The following SLC6A6 variants were observed in gnomAD, a reference collection of about 807,000 sequenced individuals.
SLC6A6 encodes solute carrier family 6 member 6.
A neutral mutation model predicts 68.8 loss-of-function variants in SLC6A6; 16 were observed. The observed-to-expected ratio is 0.23, with a 90% CI of 0.16 to 0.35. SLC6A6 has a LOEUF of 0.35. SLC6A6 is among the 10% of genes least tolerant of loss of function. The pLI is 1.00. For synonymous variants in SLC6A6, 312 were observed against 315.4 expected, an observed-to-expected ratio of 0.99 and a Z score of 0.12; for missense variants, 474 against 802.8, an observed-to-expected ratio of 0.59 and a Z score of 4.95.
chr3:14,482,229 GA>G (rs1015060548), intron 14 of SLC6A6, among the ~76,000 whole-genome samples: 60 of 152,330 alleles, frequency 3.9e-4, no homozygotes, highest in Admixed American at 5.2e-4. Context: ...CCATGTTCCT[GA>G]AGCGGTGGGA....
rs967497174 is a variant in SLC6A6, at chr3:14,471,343, C to T, written c.1097-862C>T. On this transcript the variant is annotated intron_variant, in intron 9 of 14. Coordinates refer to ENST00000622186, the MANE Select transcript of SLC6A6 (RefSeq NM_003043.6). The stretch of plus-strand genomic sequence containing the variant: ...TGACAGAGCTCCCATCTCCCCAGCT[C>T]TCCCTCAGGTTCTATCCAAGTCCCT... 2.0e-5 allele frequency among the ~76,000 whole-genome samples: 3 copies of T among 152,282 alleles called. No homozygotes were observed. In the East Asian group the frequency reaches 5.8e-4, roughly 29 times the overall value.
intron 5 of SLC6A6, among the ~76,000 whole-genome samples, chr3:14,452,010 GGCA>G (rs569886978): frequency 5.3e-5 from 8 of 152,286 alleles, no homozygotes; most frequent in African/African-American, 1.7e-4. Context: ...AGGAGTTGCT[GGCA>G]GGTGCTGCTG....
At chr3:14,478,618 C>G (rs1372688298) in intron 12 of SLC6A6, 50 bp downstream of exon 12, 2 of 1,160,528 alleles carry the variant, frequency 1.7e-6, no homozygotes, top group African/African-American at 1.5e-5. Context: ...CTTTGGGCTT[C>G]TCTACTTAGA....
chr3:14,467,939 C>T lies in SLC6A6; in HGVS notation c.954C>T (p.Tyr318=). The change falls in exon 8 of 15, where the codon TAC becomes TAT. Residue 318 remains tyrosine (Y), a synonymous_variant. Coordinates refer to ENST00000622186, the MANE Select transcript of SLC6A6 (RefSeq NM_003043.6). ...AMTSLGSYNK[Y]KYNSYRDCML... ...CCTCGCTGGGGAGCTACAACAAGTA[C>T]AAGTATAACTCGTACAGGCAAGTGT... is the stretch of plus-strand genomic sequence containing the variant. The T allele has an allele frequency of 6.2e-7, 1 of 1,613,010 alleles. No individual in the cohort carries two copies. Among genetic ancestry groups the T allele is most frequent in the Non-Finnish European group, 8.5e-7 (1 of 1,179,038 alleles).
rs184807335 is a variant in SLC6A6 at position 14,476,394 on chromosome 3, G to A, written c.1210-811G>A. Among the ~76,000 whole-genome samples the A allele has an allele frequency of 2.2e-3, 336 of 152,318 alleles. 2 individuals carry two copies. The highest frequency in any genetic ancestry group is 0.01 in the Middle Eastern group (3 of 294). On this transcript the variant is annotated intron_variant, in intron 10 of 14. Transcript: ENST00000622186. ...ACCCCCAAGATAAATGGTTAGGCAC[G>A]AGATGGAAAGGTTTAGAAAGACTGA...
At chr3:14,479,722 A>G (rs879459457) in intron 13 of SLC6A6, among the ~76,000 whole-genome samples, 27 of 152,298 alleles carry the variant, frequency 1.8e-4, no homozygotes, top group Admixed American at 1.7e-3. Context: ...CAAGGGTATC[A>G]GTGTGCCACG....
chr3:14,483,086 C>T (rs1245348410), intron 14 of SLC6A6, among the ~76,000 whole-genome samples: 2 of 152,192 alleles, frequency 1.3e-5, no homozygotes, highest in East Asian at 3.9e-4. Context: ...ACCATTGGTT[C>T]AGGGGGACAC....
At position 14,468,316 on chromosome 3, in the gene SLC6A6, A is replaced by T; in HGVS notation, c.1096+104A>T. ...CCCCAGGGGGCTTTGAGGGGGGACG[A>T]GCCTGGTTTCTAAAATGGACCCCCC... On this transcript the variant is annotated intron_variant, in intron 9 of 14. Coordinates refer to ENST00000622186, the MANE Select transcript of SLC6A6 (RefSeq NM_003043.6). The surrounding 1 kb of genome is among the most constrained non-coding windows in gnomAD (Gnocchi z 4.5). The T allele has an allele frequency of 3.1e-6, 3 of 980,270 alleles. No individual in the cohort carries two copies. The highest frequency in any genetic ancestry group is 4.3e-6 in the Non-Finnish European group (3 of 701,652). The allele number at this position is 980,270 out of a possible 1,614,324, so 60.7% of individuals were successfully genotyped here. A position where few individuals can be genotyped will look rare whatever the true frequency, so the allele number is the denominator to read the frequency against.
chr3:14,420,418 C>G (rs1699459639), intron 2 of SLC6A6, among the ~76,000 whole-genome samples: 2 of 151,748 alleles, frequency 1.3e-5, no homozygotes, highest in Admixed American at 6.6e-5. Flanking sequence ...TTGACTAAAG[C>G]AGTGTTTATT....
At chr3:14,448,986 T>C (rs1574942884) in intron 5 of SLC6A6, among the ~76,000 whole-genome samples, 1 of 152,024 alleles carries the variant, frequency 6.6e-6, no homozygotes, top group South Asian at 2.1e-4. Flanking sequence ...AGGAAGAGGG[T>C]GGTTCTGGTT....
chr3:14,478,242 C>T (rs1470501900), intron 11 of SLC6A6, among the ~76,000 whole-genome samples: 1 of 152,176 alleles, frequency 6.6e-6, no homozygotes, highest in Non-Finnish European at 1.5e-5. Context: ...AGCAGGCTCC[C>T]GTGGACCCAT....
At chr3:14,429,209 T>C (rs1356488269) in intron 2 of SLC6A6, among the ~76,000 whole-genome samples, 1 of 152,220 alleles carries the variant, frequency 6.6e-6, no homozygotes, top group Admixed American at 6.5e-5. Flanking sequence ...GCATGTTGGC[T>C]CTGTCCTGGG....
Position 14,425,638 on chromosome 3 carries a change from G to A in SLC6A6, c.-12+9185G>A, listed in dbSNP as rs527477329. 7.9e-5 allele frequency among the ~76,000 whole-genome samples: 12 copies of A among 151,702 alleles called. 1 individual carries two copies. The highest frequency in any genetic ancestry group is 1.5e-4 in the African/African-American group (6 of 41,308). On this transcript the variant is annotated intron_variant, in intron 2 of 14. Transcript: ENST00000622186. The stretch of plus-strand genomic sequence containing the variant: ...ATGGGAGAATAAGCTGATTACACCC[G>A]GGGCTGCAGTGGGTGACACACTTTG...
Position 14,481,754 on chromosome 3 carries a change from G to A in SLC6A6, c.1635G>A (p.Leu545=), listed in dbSNP as rs560481021. Residue 545 remains leucine (L), a synonymous_variant, in exon 14 of 15, where the codon CTG becomes CTA. Transcript: ENST00000622186. The surrounding 1 kb of genome is among the most constrained non-coding windows in gnomAD (Gnocchi z 4.7). ...TYVYPNWAIG[L]GWSLALSSML... The stretch of plus-strand genomic sequence containing the variant: ...TGTACCCCAACTGGGCCATTGGGCT[G>A]GGCTGGAGCCTGGCCCTTTCCTCCA... 5.9e-5 allele frequency: 95 copies of A among 1,613,652 alleles called. No homozygotes were observed. In the Middle Eastern group the frequency reaches 8.3e-4, roughly 14 times the overall value.
At chr3:14,457,553 G>A (rs1700396753) in intron 5 of SLC6A6, among the ~76,000 whole-genome samples, 1 of 152,212 alleles carries the variant, frequency 6.6e-6, no homozygotes, top group African/African-American at 2.4e-5. Flanking sequence ...ACTTCGTTCT[G>A]TCAGTGACGG....
At chr3:14,478,934 T>C in intron 12 of SLC6A6, 151 bp from the exon 13 acceptor site, 1 of 620,546 alleles carries the variant, frequency 1.6e-6, no homozygotes, top group Non-Finnish European at 2.9e-6. Context: ...TATTTGAATT[T>C]CATGTAAATG....
chr3:14,463,009 A>T (rs1387392818), intron 6 of SLC6A6, among the ~76,000 whole-genome samples: 1 of 152,206 alleles, frequency 6.6e-6, no homozygotes. Context: ...AACAGAAAGC[A>T]GGCCGGTTTT....
At chr3:14,422,956 GTC>G (rs1699516673) in intron 2 of SLC6A6, among the ~76,000 whole-genome samples, 2 of 152,238 alleles carry the variant, frequency 1.3e-5, no homozygotes, top group Non-Finnish European at 2.9e-5. Flanking sequence ...ACAAGGGTCT[GTC>G]TCTTGTCCCT....
chr3:14,457,136 A>G (rs1409934244), intron 5 of SLC6A6, among the ~76,000 whole-genome samples: 2 of 152,260 alleles, frequency 1.3e-5, no homozygotes, highest in South Asian at 2.1e-4. Flanking sequence ...GGCAGCAGGA[A>G]TCAGCTCGGA....
Sources: allele counts gnomAD v4.1 joint callset (sites outside exome capture counted in the v4.1 genomes callset), GRCh38; gene constraint gnomAD v4.1.1; non-coding constraint Gnocchi (gnomAD v3.1); transcripts MANE v1.5; gene names NCBI Gene and HGNC (gene_info 2026-07-23, HGNC 2026-07-21).